The following TPST2 variants were observed in gnomAD, a reference collection of about 807,000 sequenced individuals.
TPST2 encodes protein-tyrosine sulfotransferase 2.
TPST2 carries 16 observed loss-of-function variants against 27.8 expected under a neutral mutation model. The observed-to-expected ratio is 0.58, with a 90% CI of 0.39 to 0.88. The LOEUF (loss-of-function observed/expected upper bound fraction) is 0.88. Ranked by LOEUF, TPST2 falls within the 40% of genes least tolerant of loss-of-function variation. TPST2 has a pLI of 0.00. For missense variants in TPST2, 464 were observed against 543.1 expected, an observed-to-expected ratio of 0.85 and a Z score of 1.45; for synonymous variants, 229 against 231.7, an observed-to-expected ratio of 0.99 and a Z score of 0.10.
At chr22:26,551,887 T>C (rs1442771341) in intron 1 of TPST2, among the ~76,000 whole-genome samples, 4 of 107,760 alleles carry the variant, frequency 3.7e-5, no homozygotes, top group Admixed American at 9.0e-5. Context: ...CTTTTTCTTT[T>C]TTTTTTTTTT....
rs770577530 is a variant in TPST2 at position 26,569,991 on chromosome 22, AAAAGAAAGAAAGAAAGAAAG to A, written c.-161+20042_-161+20061del. On this transcript the variant is annotated intron_variant, in intron 1 of 6. Transcript: ENST00000338754. ...AAGGAAGAAAGAAAGAAAAGAAAGA[AAAAGAAAGAAAGAAAGAAAG>A]AAAGAAAGAAAGAAAGAAAGAAAGA... Among the ~76,000 whole-genome samples, 60 of 19,864 alleles carry A rather than the reference AAAAGAAAGAAAGAAAGAAAG, an allele frequency of 3.0e-3. 2 individuals are homozygous for A. The highest frequency in any genetic ancestry group is 0.025 in the Middle Eastern group (1 of 40). 13.0% of individuals were successfully genotyped at this position (19,864 alleles called of 152,430 possible). A position where few individuals can be genotyped will look rare whatever the true frequency, so the allele number is the denominator to read the frequency against.
In TPST2 at chr22:26,541,075, G is replaced by A. The variant is rs1207579730; in HGVS notation, c.556C>T (p.Arg186Trp). ...GTGATCATGGAGTGCACGGAGGCCCGGCCGTCCCGCACCATCAGCAGGAAC... is the reference window on the plus strand; with the variant it reads ...GTGATCATGGAGTGCACGGAGGCCCAGCCGTCCCGCACCATCAGCAGGAAC... ...SKFLLMVRDG[R>W]ASVHSMITRK... The change falls in exon 3 of 7, where the codon CGG becomes TGG. Residue 186 changes from arginine (R) to tryptophan (W), a missense_variant. Arg to Trp is a moderately radical substitution (Grantham distance 101). Transcript: ENST00000338754. This position sits in a 1 kb window ranked among gnomAD's most constrained non-coding sequence, Gnocchi z 5.9. 1.1e-5 allele frequency: 17 copies of A among 1,610,862 alleles called. No individual in the cohort carries two copies. The highest frequency in any genetic ancestry group is 1.4e-5 in the Non-Finnish European group (16 of 1,177,936).
intron 1 of TPST2, among the ~76,000 whole-genome samples, chr22:26,549,656 C>CAAAAAAAAAAAAAA (rs71192939): frequency 8.5e-5 from 5 of 58,674 alleles, no homozygotes; most frequent in Non-Finnish European, 1.1e-4. Context: ...GACTCCGTCT[C>CAAAAAAAAAAAAAA]AAAAAAAAAA....
intron 5 of TPST2, among the ~76,000 whole-genome samples, chr22:26,532,130 A>G (rs1925195973): frequency 6.6e-6 from 1 of 152,086 alleles, no homozygotes; most frequent in African/African-American, 2.4e-5. Context: ...AAAGCCCAAG[A>G]AAAAGTCCCC....
chr22:26,568,930 C>T (rs1008054709), intron 1 of TPST2, among the ~76,000 whole-genome samples: 4 of 137,674 alleles, frequency 2.9e-5, no homozygotes, highest in African/African-American at 1.1e-4. Flanking sequence ...GTGGCCCGAT[C>T]TCGGCTCACT....
chr22:26,578,918 CT>C (rs1927975774), intron 1 of TPST2, among the ~76,000 whole-genome samples: 1 of 149,030 alleles, frequency 6.7e-6, no homozygotes, highest in African/African-American at 2.5e-5. Flanking sequence ...GTGGCGTGAT[CT>C]TGGCTCACTG....
intron 4 of TPST2, among the ~76,000 whole-genome samples, chr22:26,535,299 T>C (rs1479235172): frequency 6.6e-6 from 1 of 152,272 alleles, no homozygotes; most frequent in Non-Finnish European, 1.5e-5. Flanking sequence ...ACTCTGGGTC[T>C]TAATGAAGTA....
Position 26,565,089 on chromosome 22 carries a change from C to T in TPST2, c.-160-20414G>A, listed in dbSNP as rs148424632. Reference sequence around the variant, plus strand: ...CACCTGTGGGCATCTCTGATCTTTCCTGAGCTCTAGCTGCAACATGGGCCA... The same window carrying T: ...CACCTGTGGGCATCTCTGATCTTTCTTGAGCTCTAGCTGCAACATGGGCCA... On this transcript the variant is annotated intron_variant, in intron 1 of 6. Transcript: ENST00000338754. 256 of 152,442 alleles carry T rather than the reference C, an allele frequency of 1.7e-3. 3 individuals carry two copies. The highest frequency in any genetic ancestry group is 5.8e-3 in the African/African-American group (242 of 41,576). The allele number at this position is 152,442 out of a possible 1,614,324, so 9.4% of individuals were successfully genotyped here.
chr22:26,581,813 T>C (rs1004872332), intron 1 of TPST2, among the ~76,000 whole-genome samples: 23 of 152,190 alleles, frequency 1.5e-4, no homozygotes, highest in Non-Finnish European at 2.6e-4. Context: ...AAAAGATGAT[T>C]AGAAAAGCAA....
chr22:26,586,172 G>A (rs980815450), intron 1 of TPST2, among the ~76,000 whole-genome samples: 4 of 152,108 alleles, frequency 2.6e-5, no homozygotes, highest in Admixed American at 2.0e-4. Flanking sequence ...CCAGAGAGCG[G>A]CAGTTCCTTG....
intron 1 of TPST2, among the ~76,000 whole-genome samples, chr22:26,563,212 C>T (rs866332118): frequency 3.9e-5 from 6 of 152,140 alleles, no homozygotes; most frequent in Non-Finnish European, 7.3e-5. Context: ...GTTCTAGCAC[C>T]GGGGCCAAAT....
rs147487341 is a variant in TPST2, at chr22:26,556,287, C to G, written c.-160-11612G>C. Among the ~76,000 whole-genome samples, 19 of 152,146 alleles carry G rather than the reference C, an allele frequency of 1.2e-4. 1 individual carries two copies. The East Asian group carries it at 3.7e-3, about 29-fold the overall frequency. ...GGAGCAGTGGCTCATGTCTATAATC[C>G]CAGCACCTTGGGAGGCCGAGGTGGG... On this transcript the variant is annotated intron_variant, in intron 1 of 6. Coordinates refer to ENST00000338754, the MANE Select transcript of TPST2 (RefSeq NM_003595.5).
rs1924742691 is a variant in TPST2, at chr22:26,524,781, T to C, written c.*1494A>G. 1 of 152,212 alleles carries C rather than the reference T, an allele frequency of 6.6e-6. No individual in the cohort carries two copies. The highest frequency in any genetic ancestry group is 1.5e-5 in the Non-Finnish European group (1 of 68,038). The allele number at this position is 152,212 out of a possible 1,614,324, so 9.4% of individuals were successfully genotyped here. ...TGGGGACTGTGCTATAAGGGTTAACTCAGCAGGCTTGAAGTGTCCAAACCC... is the reference window on the plus strand; with the variant it reads ...TGGGGACTGTGCTATAAGGGTTAACCCAGCAGGCTTGAAGTGTCCAAACCC... On this transcript the variant is annotated 3_prime_UTR_variant, in exon 7 of 7. Coordinates refer to ENST00000338754, the MANE Select transcript of TPST2 (RefSeq NM_003595.5).
chr22:26,529,534 A>G (rs5761584), intron 5 of TPST2, among the ~76,000 whole-genome samples: 22,504 of 152,088 alleles, frequency 0.15, 1,832 homozygotes, highest in African/African-American at 0.2. Flanking sequence ...TTGGGCAATC[A>G]CCCATGACCC....
chr22:26,556,209 C>A (rs891990658), intron 1 of TPST2, among the ~76,000 whole-genome samples: 1 of 152,120 alleles, frequency 6.6e-6, no homozygotes, highest in Non-Finnish European at 1.5e-5. Context: ...TCACTGTCAT[C>A]TGCAAGCAGA....
chr22:26,574,481 G>A (rs144849869), intron 1 of TPST2, among the ~76,000 whole-genome samples: 80 of 152,200 alleles, frequency 5.3e-4, no homozygotes, highest in Non-Finnish European at 8.4e-4. Context: ...CCTGCCTCAC[G>A]GGTCACTGTG....
chr22:26,558,824 T>A (rs1338990389), intron 1 of TPST2, among the ~76,000 whole-genome samples: 3 of 152,208 alleles, frequency 2.0e-5, no homozygotes, highest in Non-Finnish European at 4.4e-5. Context: ...CAATGCAATC[T>A]TTTTTAGATC....
At chr22:26,575,871 T>C (rs937541518) in intron 1 of TPST2, among the ~76,000 whole-genome samples, 1 of 151,888 alleles carries the variant, frequency 6.6e-6, no homozygotes, top group Non-Finnish European at 1.5e-5. Context: ...TGATGTGTGC[T>C]TGTAATCCCA....
intron 1 of TPST2, among the ~76,000 whole-genome samples, chr22:26,546,198 C>T (rs919603843): frequency 2.0e-5 from 3 of 152,220 alleles, no homozygotes; most frequent in African/African-American, 7.2e-5. Context: ...TCACTCACTC[C>T]TTTTCTCCAT....
Sources: allele counts gnomAD v4.1 joint callset (sites outside exome capture counted in the v4.1 genomes callset), GRCh38; gene constraint gnomAD v4.1.1; non-coding constraint Gnocchi (gnomAD v3.1); transcripts MANE v1.5; gene names NCBI Gene and HGNC (gene_info 2026-07-23, HGNC 2026-07-21).